The following ARHGAP26 variants were observed in gnomAD, a reference collection of about 807,000 sequenced individuals.
The protein encoded by ARHGAP26 is Rho GTPase activating protein 26, also known as rho GTPase-activating protein 26.
In ARHGAP26, 38 loss-of-function variants were observed where a neutral mutation model predicts 104.8. The observed-to-expected ratio is 0.36, with a 90% CI of 0.28 to 0.48. ARHGAP26 has a LOEUF of 0.48. Among genes scored for constraint, ARHGAP26 ranks in the 20% least tolerant of loss-of-function variants. ARHGAP26 has a pLI of 0.99. For synonymous variants in ARHGAP26, 341 were observed against 340.0 expected (o/e 1.00, Z -0.03); for missense variants, 704 against 947.9 (o/e 0.74, Z 3.38).
intron 17 of ARHGAP26, among the ~76,000 whole-genome samples, chr5:143,093,148 T>C (rs1327216317): frequency 1.7e-5 from 2 of 120,350 alleles, no homozygotes; most frequent in African/African-American, 7.3e-5. Flanking sequence ...ACCTTTTTGC[T>C]TTTTTTTTTT....
At chr5:143,176,921 G>A (rs1450960911) in intron 20 of ARHGAP26, among the ~76,000 whole-genome samples, 3 of 152,230 alleles carry the variant, frequency 2.0e-5, no homozygotes. Context: ...AAGGAGCCAT[G>A]TAAAGTATAT....
intron 11 of ARHGAP26, among the ~76,000 whole-genome samples, chr5:142,973,751 T>G (rs1392919539): frequency 2.0e-5 from 3 of 152,052 alleles, no homozygotes; most frequent in Non-Finnish European, 2.9e-5. Flanking sequence ...CTCTCCCTCC[T>G]CCCAGGCTTT....
In ARHGAP26 at chr5:143,179,113, C is replaced by T. The variant is rs147232594; in HGVS notation, c.1989-28085C>T. ...TTGAACTCCTGACCTTAGCGATCCA[C>T]CTGCCTCAGCCTCCCAAAGTGTTGG... On this transcript the variant is annotated intron_variant, in intron 20 of 22. Transcript: ENST00000645722. 9.7e-4 allele frequency among the ~76,000 whole-genome samples: 148 copies of T among 152,324 alleles called. 1 individual carries two copies. The East Asian group carries it at 0.028, about 29-fold the overall frequency.
In ARHGAP26 at chr5:142,770,720, C is replaced by T. The variant is rs563212997; in HGVS notation, c.-42C>T. On this transcript the variant is annotated 5_prime_UTR_variant, in exon 1 of 23. Coordinates refer to ENST00000645722, the MANE Select transcript of ARHGAP26 (RefSeq NM_001135608.3). ...TGCTCTGGGCGGCGGGCGGCCCGGG[C>T]CCCGGCGGAGGCGCGCCCCCCGGCT... 3.9e-5 allele frequency: 46 copies of T among 1,166,470 alleles called. 1 individual carries two copies. The South Asian group carries it at 5.1e-4, about 13-fold the overall frequency. 72.3% of individuals were successfully genotyped at this position (1,166,470 alleles called of 1,614,324 possible). A position where few individuals can be genotyped will look rare whatever the true frequency, so the allele number is the denominator to read the frequency against.
rs542126992 is a variant in ARHGAP26, at chr5:142,935,359, A to T, written c.1107+3234A>T. ...GTAACCTTTTTCTGTAATGGGCCAG[A>T]TAGTATTTCAGGCTTTGTGGGCCAT... On this transcript the variant is annotated intron_variant, in intron 11 of 22. Coordinates refer to ENST00000645722, the MANE Select transcript of ARHGAP26 (RefSeq NM_001135608.3). Among the ~76,000 whole-genome samples, 13 of 152,326 alleles carry T rather than the reference A, an allele frequency of 8.5e-5. No individual in the cohort carries two copies. In the East Asian group the frequency reaches 2.5e-3, roughly 29 times the overall value.
chr5:143,198,519 A>G (rs1200196032), intron 20 of ARHGAP26, among the ~76,000 whole-genome samples: 1 of 152,228 alleles, frequency 6.6e-6, no homozygotes, highest in Admixed American at 6.5e-5. Context: ...CATTCTGCCC[A>G]TTTAACCTTT....
chr5:142,820,130 C>T (rs376608396), intron 1 of ARHGAP26, among the ~76,000 whole-genome samples: 9 of 152,182 alleles, frequency 5.9e-5, no homozygotes, highest in African/African-American at 1.9e-4. Context: ...ATGGAATCCA[C>T]GAATGTGCAT....
chr5:143,003,493 A>T (rs904975022), intron 11 of ARHGAP26, among the ~76,000 whole-genome samples: 1 of 152,240 alleles, frequency 6.6e-6, no homozygotes, highest in African/African-American at 2.4e-5. Flanking sequence ...AAACATTTAG[A>T]TGCCGCATAG....
intron 17 of ARHGAP26, among the ~76,000 whole-genome samples, chr5:143,101,305 C>T (rs1443170907): frequency 1.3e-5 from 2 of 152,144 alleles, no homozygotes; most frequent in East Asian, 3.8e-4. Context: ...TGTCATTTCT[C>T]TTTCTCATAA....
At chr5:142,789,786 G>C (rs1759422502) in intron 1 of ARHGAP26, among the ~76,000 whole-genome samples, 1 of 152,170 alleles carries the variant, frequency 6.6e-6, no homozygotes, top group Admixed American at 6.5e-5. Context: ...AACAGCACAA[G>C]ACACTCCAAA....
Position 143,124,818 on chromosome 5 carries a change from G to A in ARHGAP26, c.1698+3671G>A, listed in dbSNP as rs962452912. 6.6e-5 allele frequency among the ~76,000 whole-genome samples: 10 copies of A among 152,326 alleles called. No homozygotes were observed. In the East Asian group the frequency reaches 9.6e-4, roughly 15 times the overall value. Reference sequence around the variant, plus strand: ...CACAGGCGTGGGAGGATTGTTGACCGTTATCTCTGCAGGGGATCTATGGTA... The same window carrying A: ...CACAGGCGTGGGAGGATTGTTGACCATTATCTCTGCAGGGGATCTATGGTA... On this transcript the variant is annotated intron_variant, in intron 18 of 22. Coordinates refer to ENST00000645722, the MANE Select transcript of ARHGAP26 (RefSeq NM_001135608.3).
chr5:142,770,664 G>C lies in ARHGAP26; in HGVS notation c.-98G>C, dbSNP rs915914748. ...CACACCTGTGGAGCCGGCGGCCGTCGGGGGAGCCGGCCGGGGTCCCGCCGC... is the reference window on the plus strand; with the variant it reads ...CACACCTGTGGAGCCGGCGGCCGTCCGGGGAGCCGGCCGGGGTCCCGCCGC... On this transcript the variant is annotated 5_prime_UTR_variant, in exon 1 of 23. Coordinates refer to ENST00000645722, the MANE Select transcript of ARHGAP26 (RefSeq NM_001135608.3). The C allele has an allele frequency of 3.8e-4, 349 of 921,768 alleles. 1 individual carries two copies. Among genetic ancestry groups the C allele is most frequent in the Non-Finnish European group, 4.5e-4 (343 of 757,522 alleles). 57.1% of individuals were successfully genotyped at this position (921,768 alleles called of 1,614,324 possible). A position where few individuals can be genotyped will look rare whatever the true frequency, so the allele number is the denominator to read the frequency against.
intron 1 of ARHGAP26, among the ~76,000 whole-genome samples, chr5:142,802,876 T>C (rs758409592): frequency 2.0e-5 from 3 of 152,112 alleles, no homozygotes; most frequent in Non-Finnish European, 2.9e-5. Flanking sequence ...CAAACCTCAG[T>C]TTCCTCACCT....
intron 17 of ARHGAP26, among the ~76,000 whole-genome samples, chr5:143,099,491 T>TA (rs1350149384): frequency 2.0e-5 from 3 of 152,164 alleles, no homozygotes; most frequent in African/African-American, 4.8e-5. Flanking sequence ...ATGGACGAGA[T>TA]AAAAAATCTA....
intron 17 of ARHGAP26, among the ~76,000 whole-genome samples, chr5:143,106,434 A>G (rs1246889929): frequency 6.7e-6 from 1 of 149,312 alleles, no homozygotes; most frequent in African/African-American, 2.5e-5. Flanking sequence ...ATGGAAAAGG[A>G]AGTGAACTCC....
chr5:142,797,127 T>G (rs1440741122), intron 1 of ARHGAP26, among the ~76,000 whole-genome samples: 1 of 152,230 alleles, frequency 6.6e-6, no homozygotes, highest in South Asian at 2.1e-4. Flanking sequence ...CATAGTGACA[T>G]AATCAAAGCT....
At chr5:142,890,151 A>AAAAAAATATAT (rs1252590997) in intron 5 of ARHGAP26, among the ~76,000 whole-genome samples, 3 of 32,426 alleles carry the variant, frequency 9.3e-5, no homozygotes, top group African/African-American at 3.5e-4. Flanking sequence ...AAAAAAAAAA[A>AAAAAAATATAT]ATATATATAT....
chr5:143,043,018 T>C (rs1218521426), intron 14 of ARHGAP26, among the ~76,000 whole-genome samples: 2 of 152,234 alleles, frequency 1.3e-5, no homozygotes, highest in East Asian at 3.8e-4. Context: ...TACATTCGGT[T>C]GTAAGAAATA....
intron 11 of ARHGAP26, chr5:143,010,653 A>G (rs1293662559): frequency 6.6e-6 from 1 of 152,214 alleles, no homozygotes; most frequent in East Asian, 1.9e-4. Flanking sequence ...AGGTGAGTAC[A>G]TGTTTCTGGT....
Sources: allele counts gnomAD v4.1 joint callset (sites outside exome capture counted in the v4.1 genomes callset), GRCh38; gene constraint gnomAD v4.1.1; transcripts MANE v1.5; gene names NCBI Gene and HGNC (gene_info 2026-07-23, HGNC 2026-07-21).